Variants in USP45 observed in about 807,000 individuals in gnomAD.
The protein encoded by USP45 is ubiquitin carboxyl-terminal hydrolase 45.
USP45 carries 89 observed loss-of-function variants against 95.8 expected under a neutral mutation model. The observed-to-expected ratio is 0.93, with a 90% CI of 0.78 to 1.11. USP45 has a LOEUF of 1.11. Among genes scored for constraint, USP45 ranks in the 50% least tolerant of loss-of-function variants. The probability of loss-of-function intolerance (pLI) is 0.00; values close to 1 mark genes in which losing one functional copy is unlikely to be tolerated. For missense variants in USP45, 898 were observed against 942.5 expected (o/e 0.95, Z 0.62); for synonymous variants, 281 against 316.2 (o/e 0.89, Z 1.18).
At chr6:99,449,488 C>T (rs1242904492) in intron 13 of USP45, among the ~76,000 whole-genome samples, 6 of 36,034 alleles carry the variant, frequency 1.7e-4, no homozygotes, top group Non-Finnish European at 3.1e-4. Flanking sequence ...TATATATGCA[C>T]CCAATACAGG....
chr6:99,488,195 C>T lies in USP45; in HGVS notation c.714+5G>A, dbSNP rs745562545. ...GCAGCTATTATTCAAACAGTTATTA[C>T]TCACCAGCTGAGAGTCTGAGGAAGG... is the stretch of plus-strand genomic sequence containing the variant. On this transcript the variant is annotated splice_donor_5th_base_variant and intron_variant, in intron 7 of 17. Coordinates refer to ENST00000500704, the MANE Select transcript of USP45 (RefSeq NM_001346022.3). The T allele has an allele frequency of 8.8e-6, 14 of 1,591,022 alleles. No homozygotes were observed. The highest frequency in any genetic ancestry group is 8.6e-7 in the Non-Finnish European group (1 of 1,160,674).
Position 99,435,772 on chromosome 6 carries a change from C to T in USP45, c.2389G>A (p.Glu797Lys). Residue 797 changes from glutamate (E) to lysine (K), a missense_variant, in exon 18 of 18, where the codon GAA becomes AAA. Coordinates refer to ENST00000500704, the MANE Select transcript of USP45 (RefSeq NM_001346022.3). The stretch of plus-strand genomic sequence containing the variant: ...GCTTGTGCACTAAGTGCTCTTGATT[C>T]TGGAACCACCTGTAAGTAAGTGTCA... ...VSDTYLQVVP[E>K]SRALSAQAYL... The T allele has an allele frequency of 1.2e-6, 2 of 1,613,704 alleles. No homozygotes were observed. Among genetic ancestry groups the T allele is most frequent in the East Asian group, 2.2e-5 (1 of 44,842 alleles).
chr6:99,504,415 C>T (rs993286137), intron 4 of USP45, among the ~76,000 whole-genome samples: 2 of 152,130 alleles, frequency 1.3e-5, no homozygotes, highest in African/African-American at 2.4e-5. Context: ...ATTGGGATTA[C>T]CGGTGTGAGC....
Position 99,446,119 on chromosome 6 carries a change from A to T in USP45, c.1653T>A (p.Gly551=). The T allele has an allele frequency of 6.2e-7, 1 of 1,614,052 alleles. No homozygotes were observed. The highest frequency in any genetic ancestry group is 8.5e-7 in the Non-Finnish European group (1 of 1,180,028). The change falls in exon 14 of 18, where the codon GGT becomes GGA. Residue 551 remains glycine (G), a synonymous_variant. Transcript: ENST00000500704. ...AAATAGCTTCTGCCATTTCCTTATC[A>T]CCACTGTCAGTCTCCTTGGTGTACA... ...KLLYTKETDS[G]DKEMAEAISE...
rs1391922324 is a variant in USP45 at position 99,433,906 on chromosome 6, G to C, written c.*1810C>G. 3.3e-5 allele frequency: 5 copies of C among 152,024 alleles called. No homozygotes were observed. Among genetic ancestry groups the C allele is most frequent in the South Asian group, 2.1e-4 (1 of 4,822 alleles). The allele number at this position is 152,024 out of a possible 1,614,324, so 9.4% of individuals were successfully genotyped here. On this transcript the variant is annotated 3_prime_UTR_variant, in exon 18 of 18. Transcript: ENST00000500704. ...GATCTATATTTACATTTGGGCAGTG[G>C]GGGGATGAAAACTGCTCTTACCAAG...
At chr6:99,462,839 C>T (rs1299988881) in intron 13 of USP45, 1 of 275,838 alleles carries the variant, frequency 3.6e-6, no homozygotes, top group Non-Finnish European at 5.7e-6. Context: ...CAAAAATTAG[C>T]CGGGCATGGT....
In USP45 at chr6:99,435,108, G is replaced by A. The variant is rs919039639; in HGVS notation, c.*608C>T. 4 of 152,520 alleles carry A rather than the reference G, an allele frequency of 2.6e-5. No homozygotes were observed. Among genetic ancestry groups the A allele is most frequent in the Non-Finnish European group, 5.9e-5 (4 of 68,016 alleles). 9.4% of individuals were successfully genotyped at this position (152,520 alleles called of 1,614,324 possible). A position where few individuals can be genotyped will look rare whatever the true frequency, so the allele number is the denominator to read the frequency against. ...TAGGTGTTACTTCATGAAATTATGT[G>A]TTATAGCAGTTTCCTAAATGGTAGT... On this transcript the variant is annotated 3_prime_UTR_variant, in exon 18 of 18. Transcript: ENST00000500704.
rs148684770 is a variant in USP45 at position 99,498,794 on chromosome 6, C to T, written c.478+4971G>A. ...ATGTGATATCACAAAGGATTAAATGCAGAAGCAGATATGAGAATCCAGCTG... is the reference window on the plus strand; with the variant it reads ...ATGTGATATCACAAAGGATTAAATGTAGAAGCAGATATGAGAATCCAGCTG... On this transcript the variant is annotated intron_variant, in intron 5 of 17. Coordinates refer to ENST00000500704, the MANE Select transcript of USP45 (RefSeq NM_001346022.3). Among the ~76,000 whole-genome samples, 154 of 152,250 alleles carry T rather than the reference C, an allele frequency of 1.0e-3. 1 individual carries two copies. The highest frequency in any genetic ancestry group is 3.4e-3 in the African/African-American group (143 of 41,560).
At chr6:99,476,121 G>A in intron 9 of USP45, 22 bp downstream of exon 9, 1 of 1,602,668 alleles carries the variant, frequency 6.2e-7, no homozygotes, top group South Asian at 1.1e-5. Context: ...GAGAATACAT[G>A]ATATACATAA....
Position 99,482,833 on chromosome 6 carries a change from C to CA in USP45, c.764dup (p.Leu255PhefsTer12). 1 of 1,606,714 alleles carries CA rather than the reference C, an allele frequency of 6.2e-7. No homozygotes were observed. Among genetic ancestry groups the CA allele is most frequent in the Non-Finnish European group, 8.5e-7 (1 of 1,176,146 alleles). ...CCTTCATGCTGTGAAGAAACAGGAA[C>CA]AAGGCTGAGGTCAGTGGTCCAGGCC... is the stretch of plus-strand genomic sequence containing the variant. On this transcript the variant is annotated frameshift_variant, in exon 8 of 18. Transcript: ENST00000500704. LOFTEE classifies it high-confidence loss of function.
At position 99,437,250 on chromosome 6, in the gene USP45, C is replaced by T. The variant is rs769053662; in HGVS notation, c.2310G>A (p.Val770=). 4 of 1,600,668 alleles carry T rather than the reference C, an allele frequency of 2.5e-6. No individual in the cohort carries two copies. Among genetic ancestry groups the T allele is most frequent in the Non-Finnish European group, 2.5e-6 (3 of 1,176,592 alleles). The part of the protein sequence containing the change: ...LSEHNTKKKN[V]PGLKAADNES... ...AATAAACTTAGGATGGCATACCAGG[C>T]ACATTTTTCTTTTTAGTGTTATGTT... The change falls in exon 17 of 18, where the codon GTG becomes GTA. Residue 770 remains valine, a synonymous_variant. Coordinates refer to ENST00000500704, the MANE Select transcript of USP45 (RefSeq NM_001346022.3).
At chr6:99,491,962 T>C (rs1202351411) in intron 5 of USP45, among the ~76,000 whole-genome samples, 1 of 152,168 alleles carries the variant, frequency 6.6e-6, no homozygotes, top group Non-Finnish European at 1.5e-5. Context: ...AAAAAATACA[T>C]ATATACACAG....
At chr6:99,484,458 A>C (rs977246328) in intron 7 of USP45, among the ~76,000 whole-genome samples, 10 of 152,194 alleles carry the variant, frequency 6.6e-5, no homozygotes, top group South Asian at 6.2e-4. Flanking sequence ...AGGGGATTAC[A>C]GGAATGAGCC....
intron 3 of USP45, 113 bp downstream of exon 3, chr6:99,508,494 ATCT>A: frequency 9.4e-7 from 1 of 1,063,928 alleles, no homozygotes; most frequent in Non-Finnish European, 1.3e-6. Context: ...GAAAATTTCT[ATCT>A]AAATTGGAAT....
At chr6:99,450,083 G>C (rs146893993) in intron 13 of USP45, among the ~76,000 whole-genome samples, 1 of 152,090 alleles carries the variant, frequency 6.6e-6, no homozygotes, top group South Asian at 2.1e-4. Flanking sequence ...AAGCAGGAAA[G>C]ATCTAAAATT....
chr6:99,456,906 G>C lies in USP45; in HGVS notation c.1308+7698C>G, dbSNP rs1785212804. ...AAAAGCAAATGGGAGAAATATCGCT[G>C]AATTCTTTTTCTCAGCAAGGAACAT... is the stretch of plus-strand genomic sequence containing the variant. On this transcript the variant is annotated intron_variant, in intron 13 of 17. Transcript: ENST00000500704. 2.6e-5 allele frequency among the ~76,000 whole-genome samples: 4 copies of C among 152,204 alleles called. No homozygotes were observed. The South Asian group carries it at 8.3e-4, about 31-fold the overall frequency.
rs1225294447 is a variant in USP45 at position 99,458,196 on chromosome 6, T to G, written c.1308+6408A>C. On this transcript the variant is annotated intron_variant, in intron 13 of 17. Coordinates refer to ENST00000500704, the MANE Select transcript of USP45 (RefSeq NM_001346022.3). Reference sequence around the variant, plus strand: ...CACCATGACCGGCTAATTTTTTGCATTTTTAGTAGAGATAAGGTTTCACTG... The same window carrying G: ...CACCATGACCGGCTAATTTTTTGCAGTTTTAGTAGAGATAAGGTTTCACTG... Among the ~76,000 whole-genome samples, 4 of 152,154 alleles carry G rather than the reference T, an allele frequency of 2.6e-5. No homozygotes were observed. In the Middle Eastern group the frequency reaches 9.5e-3, roughly 361 times the overall value.
At chr6:99,464,378 ATTTCAAAAATAATC>A (rs1787351186) in intron 13 of USP45, among the ~76,000 whole-genome samples, 1 of 152,358 alleles carries the variant, frequency 6.6e-6, no homozygotes, top group South Asian at 2.1e-4. Flanking sequence ...TTTGGGATTT[ATTTCAAAAATAATC>A]TGGGATTATC....
chr6:99,452,317 T>C (rs2128577120), intron 13 of USP45, among the ~76,000 whole-genome samples: 1 of 151,818 alleles, frequency 6.6e-6, no homozygotes. Flanking sequence ...TACAAAGAAC[T>C]CAAACAAATT....
Sources: allele counts gnomAD v4.1 joint callset (sites outside exome capture counted in the v4.1 genomes callset), GRCh38; gene constraint gnomAD v4.1.1; transcripts MANE v1.5; gene names NCBI Gene and HGNC (gene_info 2026-07-23, HGNC 2026-07-21).